LYPLA1: variants seen among roughly 807,000 people sequenced by gnomAD.
LYPLA1 encodes the protein lysophospholipase 1.
A neutral mutation model predicts 34.0 loss-of-function variants in LYPLA1; 17 were observed. The ratio of observed to expected loss-of-function variants is 0.50; its 90% confidence interval spans 0.34 to 0.75. The LOEUF (loss-of-function observed/expected upper bound fraction) is 0.75, where lower values mean the gene tolerates loss of function less well. LYPLA1 is among the 30% of genes least tolerant of loss of function. The probability of loss-of-function intolerance (pLI) is 0.01; values close to 1 mark genes in which losing one functional copy is unlikely to be tolerated. For missense variants in LYPLA1, 203 were observed against 288.8 expected (o/e 0.70, Z 2.15); for synonymous variants, 98 against 100.8 (o/e 0.97, Z 0.17).
chr8:54,072,990 C>T, intron 2 of LYPLA1: 1 of 361,838 alleles, frequency 2.8e-6, no homozygotes, highest in Non-Finnish European at 5.3e-6. Flanking sequence ...AAAACATGCT[C>T]AAGATCATTA....
chr8:54,080,886 C>A (rs924905545), intron 2 of LYPLA1, among the ~76,000 whole-genome samples: 11 of 152,150 alleles, frequency 7.2e-5, no homozygotes, highest in Non-Finnish European at 1.6e-4. Context: ...CTGTGCCTGG[C>A]CAAAAATTTA....
intron 2 of LYPLA1, among the ~76,000 whole-genome samples, chr8:54,088,362 TC>T (rs1206118870): frequency 6.6e-6 from 1 of 152,196 alleles, no homozygotes. Flanking sequence ...GAGATGATGC[TC>T]AACATTAACC....
chr8:54,085,706 C>T (rs573142504), intron 2 of LYPLA1, among the ~76,000 whole-genome samples: 8 of 151,916 alleles, frequency 5.3e-5, no homozygotes, highest in East Asian at 2.0e-4. Flanking sequence ...TCTGACCAGC[C>T]GCCCTGTCTG....
chr8:54,097,210 C>G (rs1262015127), intron 2 of LYPLA1, among the ~76,000 whole-genome samples: 1 of 152,098 alleles, frequency 6.6e-6, no homozygotes, highest in Admixed American at 6.6e-5. Flanking sequence ...ATCAAAAGAT[C>G]GAAGTTACAA....
intron 2 of LYPLA1, among the ~76,000 whole-genome samples, chr8:54,083,875 C>T (rs1370256051): frequency 6.6e-6 from 1 of 152,020 alleles, no homozygotes; most frequent in Admixed American, 6.6e-5. Context: ...CGGTGGCTCA[C>T]GCCTGTAATC....
At chr8:54,062,009 C>A (rs1178347232) in intron 5 of LYPLA1, among the ~76,000 whole-genome samples, 1 of 152,090 alleles carries the variant, frequency 6.6e-6, no homozygotes, top group East Asian at 1.9e-4. Context: ...GCGCCCACCA[C>A]CATATCCAGC....
At chr8:54,084,281 T>C (rs1447698637) in intron 2 of LYPLA1, among the ~76,000 whole-genome samples, 1 of 145,128 alleles carries the variant, frequency 6.9e-6, no homozygotes, top group Non-Finnish European at 1.5e-5. Flanking sequence ...TGGAAATAAA[T>C]GCAACAGAGG....
intron 2 of LYPLA1, among the ~76,000 whole-genome samples, chr8:54,099,593 T>A (rs1396780958): frequency 1.3e-5 from 2 of 151,974 alleles, no homozygotes; most frequent in East Asian, 3.9e-4. Flanking sequence ...ACCCAGAAGG[T>A]GGAGGTTGCA....
intron 7 of LYPLA1, among the ~76,000 whole-genome samples, chr8:54,051,800 T>G (rs575706124): frequency 5.2e-4 from 79 of 151,822 alleles, no homozygotes; most frequent in African/African-American, 1.8e-3. Context: ...TTTTTGTTTG[T>G]TTGGTTGGTT....
intron 6 of LYPLA1, chr8:54,053,338 C>T (rs1192556191): frequency 4.2e-5 from 11 of 259,672 alleles, no homozygotes; most frequent in East Asian, 1.7e-4. Context: ...AGGTGATCCA[C>T]GCGCCTCAGC....
intron 2 of LYPLA1, among the ~76,000 whole-genome samples, chr8:54,090,141 C>T (rs906629687): frequency 2.6e-5 from 4 of 152,176 alleles, no homozygotes; most frequent in African/African-American, 4.8e-5. Flanking sequence ...TTGTGGAGAG[C>T]CTATAAACGG....
intron 5 of LYPLA1, among the ~76,000 whole-genome samples, chr8:54,055,470 T>C (rs1323609749): frequency 1.3e-5 from 2 of 152,080 alleles, no homozygotes; most frequent in South Asian, 2.1e-4. Context: ...AAAGATTCCA[T>C]GGTCATGGAT....
In LYPLA1 at chr8:54,101,041, G is replaced by C. The variant is rs1390139862; in HGVS notation, c.70-102C>G. 6 of 982,284 alleles carry C rather than the reference G, an allele frequency of 6.1e-6. No homozygotes were observed. In the Admixed American group the frequency reaches 1.0e-4, roughly 16 times the overall value. The allele number at this position is 982,284 out of a possible 1,614,324, so 60.8% of individuals were successfully genotyped here. A position where few individuals can be genotyped will look rare whatever the true frequency, so the allele number is the denominator to read the frequency against. On this transcript the variant is annotated intron_variant, in intron 1 of 8. Coordinates refer to ENST00000316963, the MANE Select transcript of LYPLA1 (RefSeq NM_006330.4). ...AGGTGGAAAACGGAACGAAACCTAC[G>C]AGAGAATTACACAACACTATCTTCG... is the stretch of plus-strand genomic sequence containing the variant.
chr8:54,065,944 G>A (rs1331468791), intron 2 of LYPLA1, 131 bp from the exon 3 acceptor site: 1 of 673,070 alleles, frequency 1.5e-6, no homozygotes, highest in Non-Finnish European at 2.6e-6. Flanking sequence ...TTTTTTGTTT[G>A]TTTGTTTTTT....
chr8:54,096,672 G>A (rs978284783), intron 2 of LYPLA1, among the ~76,000 whole-genome samples: 4 of 152,018 alleles, frequency 2.6e-5, no homozygotes, highest in African/African-American at 9.7e-5. Flanking sequence ...GAACTCAGGA[G>A]GCAGAGGTTG....
At chr8:54,067,512 CA>C (rs1029003947) in intron 2 of LYPLA1, among the ~76,000 whole-genome samples, 5 of 152,032 alleles carry the variant, frequency 3.3e-5, no homozygotes, top group Non-Finnish European at 7.4e-5. Context: ...TGATTTTTCC[CA>C]TGCATGTCAA....
At chr8:54,070,178 G>A (rs964253344) in intron 2 of LYPLA1, among the ~76,000 whole-genome samples, 1 of 152,164 alleles carries the variant, frequency 6.6e-6, no homozygotes, top group Non-Finnish European at 1.5e-5. Context: ...GTACAGATGT[G>A]GTGGCTCATG....
At chr8:54,085,807 T>TGG (rs369437185) in intron 2 of LYPLA1, among the ~76,000 whole-genome samples, 9 of 132,012 alleles carry the variant, frequency 6.8e-5, no homozygotes, top group Non-Finnish European at 1.4e-4. Context: ...GTCCGCGAGG[T>TGG]GGGGGGGGGG....
chr8:54,054,155 G>A (rs909755360), intron 6 of LYPLA1, among the ~76,000 whole-genome samples: 4 of 152,034 alleles, frequency 2.6e-5, no homozygotes, highest in Non-Finnish European at 5.9e-5. Flanking sequence ...GCTAATTTTT[G>A]TATTTTTAGT....
Sources: gnomAD v4.1 joint callset for allele counts (sites outside exome capture counted in the v4.1 genomes callset) on GRCh38, gnomAD v4.1.1 for gene constraint, MANE v1.5 for transcripts, NCBI Gene and HGNC (gene_info 2026-07-23, HGNC 2026-07-21) for gene names.